NR5A2: variants seen among roughly 807,000 people sequenced by gnomAD.
The protein encoded by NR5A2 is nuclear receptor subfamily 5 group A member 2, also known as CYP7A promoter-binding factor.
Under a neutral mutation model 62.7 loss-of-function variants are expected in NR5A2, and 26 were observed. The ratio of observed to expected loss-of-function variants is 0.41; its 90% CI spans 0.30 to 0.58. The LOEUF (loss-of-function observed/expected upper bound fraction) is 0.58. Ranked by LOEUF, NR5A2 falls within the 20% of genes least tolerant of loss-of-function variation. NR5A2 has a pLI of 0.22. For missense variants in NR5A2, 541 were observed against 669.1 expected, an observed-to-expected ratio of 0.81 and a Z score of 2.11; for synonymous variants, 246 against 241.7, an observed-to-expected ratio of 1.02 and a Z score of -0.16.
intron 6 of NR5A2, among the ~76,000 whole-genome samples, chr1:200,112,530 TGTC>T (rs1392508837): frequency 6.6e-6 from 1 of 152,242 alleles, no homozygotes; most frequent in Non-Finnish European, 1.5e-5. Flanking sequence ...AATGAAGGGC[TGTC>T]TCCACATCAT....
intron 5 of NR5A2, among the ~76,000 whole-genome samples, chr1:200,087,747 AT>A (rs952037041): frequency 8.8e-5 from 13 of 148,326 alleles, no homozygotes; most frequent in African/African-American, 3.2e-4. Context: ...TATTTTTTTT[AT>A]TTTTATTTTT....
rs535918311 is a variant in NR5A2, at chr1:200,129,582, G to A, written c.1378+8627G>A. On this transcript the variant is annotated intron_variant, in intron 7 of 7. Coordinates refer to ENST00000367362, the MANE Select transcript of NR5A2 (RefSeq NM_205860.3). Reference sequence around the variant, plus strand: ...TTATAAAAGGAAAAGACTTCACCATGCATAGCCTCTTCACCCTAACTGCTC... The same window carrying A: ...TTATAAAAGGAAAAGACTTCACCATACATAGCCTCTTCACCCTAACTGCTC... Among the ~76,000 whole-genome samples the A allele has an allele frequency of 4.9e-4, 74 of 152,334 alleles. 1 individual carries two copies. Among genetic ancestry groups the A allele is most frequent in the African/African-American group, 1.7e-3 (71 of 41,574 alleles).
chr1:200,051,463 TA>T (rs887066052), intron 5 of NR5A2, among the ~76,000 whole-genome samples: 3 of 152,170 alleles, frequency 2.0e-5, no homozygotes, highest in Non-Finnish European at 4.4e-5. Flanking sequence ...ATGGGGCATA[TA>T]AAAGCATTTT....
In NR5A2 at chr1:200,039,625, C is replaced by T. The variant is rs1381763576; in HGVS notation, c.65-33C>T. ...ATCCCGGTCGCCCCTTCCTTCTTTTCGCCGGAGTTGAATCTGTGCTGCCCG... is the reference window on the plus strand; with the variant it reads ...ATCCCGGTCGCCCCTTCCTTCTTTTTGCCGGAGTTGAATCTGTGCTGCCCG... On this transcript the variant is annotated intron_variant, in intron 1 of 7. Transcript: ENST00000367362. The surrounding 1 kb of genome is among the most constrained non-coding windows in gnomAD (Gnocchi z 5.1). 1.2e-6 allele frequency: 2 copies of T among 1,607,922 alleles called. No individual in the cohort carries two copies. Among genetic ancestry groups the T allele is most frequent in the Admixed American group, 3.3e-5 (2 of 59,802 alleles).
intron 6 of NR5A2, among the ~76,000 whole-genome samples, chr1:200,117,624 C>T (rs1303764336): frequency 1.3e-5 from 2 of 152,160 alleles, no homozygotes; most frequent in Non-Finnish European, 2.9e-5. Context: ...TTAATTAACT[C>T]CATCTTAATA....
At chr1:200,117,604 A>G (rs1372807152) in intron 6 of NR5A2, among the ~76,000 whole-genome samples, 1 of 152,256 alleles carries the variant, frequency 6.6e-6, no homozygotes, top group African/African-American at 2.4e-5. Context: ...AGAACTATAC[A>G]CAACAATATT....
At chr1:200,052,120 C>T (rs1662661120) in intron 5 of NR5A2, among the ~76,000 whole-genome samples, 1 of 152,126 alleles carries the variant, frequency 6.6e-6, no homozygotes, top group Non-Finnish European at 1.5e-5. Flanking sequence ...GAGGCATGAC[C>T]TGCAATTCAG....
At chr1:200,070,679 CAA>C (rs34685659) in intron 5 of NR5A2, among the ~76,000 whole-genome samples, 1 of 133,598 alleles carries the variant, frequency 7.5e-6, no homozygotes, top group Non-Finnish European at 1.6e-5. Context: ...GACTCTGTCT[CAA>C]AAAAAAAAAA....
chr1:200,083,717 A>G (rs574537272), intron 5 of NR5A2, among the ~76,000 whole-genome samples: 1 of 152,110 alleles, frequency 6.6e-6, no homozygotes, highest in Non-Finnish European at 1.5e-5. Flanking sequence ...CTGTAACTCC[A>G]ACACTTTGGG....
intron 5 of NR5A2, among the ~76,000 whole-genome samples, chr1:200,063,106 C>CTT (rs1663303843): frequency 6.6e-6 from 1 of 151,928 alleles, no homozygotes; most frequent in African/African-American, 2.4e-5. Context: ...TCACTGCAAC[C>CTT]CCTGCCTCCC....
intron 5 of NR5A2, among the ~76,000 whole-genome samples, chr1:200,087,542 G>A (rs1374192048): frequency 4.9e-5 from 7 of 142,270 alleles, no homozygotes; most frequent in Admixed American, 4.2e-4. Flanking sequence ...CTACAGGCAC[G>A]CACCACCACA....
In NR5A2 at chr1:200,147,820, T is replaced by C. The variant is rs900377214; in HGVS notation, c.1379-26143T>C. ...AGCCGCCGTGGCGTCCAGCACCAGG[T>C]CCTGGCTGCAGCCATTGGTGAGCAG... On this transcript the variant is annotated intron_variant, in intron 7 of 7. Transcript: ENST00000367362. The surrounding 1 kb of genome is among the most constrained non-coding windows in gnomAD (Gnocchi z 4.9). 13 of 481,272 alleles carry C rather than the reference T, an allele frequency of 2.7e-5. No homozygotes were observed. The highest frequency in any genetic ancestry group is 7.0e-4 in the Middle Eastern group (2 of 2,848). The allele number at this position is 481,272 out of a possible 1,614,324, so 29.8% of individuals were successfully genotyped here.
intron 6 of NR5A2, among the ~76,000 whole-genome samples, chr1:200,117,929 G>C (rs1006465827): frequency 6.6e-6 from 1 of 151,222 alleles, no homozygotes; most frequent in Non-Finnish European, 1.5e-5. Flanking sequence ...GGCCAGGCTG[G>C]TCTCGAACTC....
Position 200,147,512 on chromosome 1 carries a change from T to G in NR5A2, c.1379-26451T>G. ...GATCTGTTTCTTCATCCTTAAAATT[T>G]CTGCTGCTTTTGCTGTTTCTGTGAT... On this transcript the variant is annotated intron_variant, in intron 7 of 7. Transcript: ENST00000367362. The surrounding 1 kb of genome is among the most constrained non-coding windows in gnomAD (Gnocchi z 4.9). 1.5e-6 allele frequency: 1 copy of G among 654,232 alleles called. No homozygotes were observed. Among genetic ancestry groups the G allele is most frequent in the Non-Finnish European group, 2.9e-6 (1 of 340,920 alleles). The allele number at this position is 654,232 out of a possible 1,614,324, so 40.5% of individuals were successfully genotyped here.
chr1:200,085,104 A>T (rs1664462286), intron 5 of NR5A2, among the ~76,000 whole-genome samples: 1 of 152,106 alleles, frequency 6.6e-6, no homozygotes, highest in East Asian at 1.9e-4. Flanking sequence ...TCTAGTGGAG[A>T]TAGGAGGAGG....
At chr1:200,038,793 C>A in intron 1 of NR5A2, 1 of 1,310,292 alleles carries the variant, frequency 7.6e-7, no homozygotes, top group Non-Finnish European at 1.0e-6. Flanking sequence ...GCTGCATTTA[C>A]ATCCCCCCGC....
intron 5 of NR5A2, among the ~76,000 whole-genome samples, chr1:200,065,045 G>T (rs948093676): frequency 6.6e-6 from 1 of 151,924 alleles, no homozygotes; most frequent in African/African-American, 2.4e-5. Flanking sequence ...TCAGCCTCCC[G>T]AAGTGTTGGG....
At chr1:200,042,920 TC>T in intron 2 of NR5A2, 8 of 985,462 alleles carry the variant, frequency 8.1e-6, no homozygotes, top group Non-Finnish European at 9.6e-6. Context: ...GCGCCGCGCG[TC>T]GTGGCGGCCT....
rs1490926111 is a variant in NR5A2 at position 200,062,257 on chromosome 1, G to GTGTGTGTGTGTGTGTGTGTGTGTGTA, written c.1110+13440_1110+13441insGTGTGTGTGTGTGTGTGTGTGTGTAT. Among the ~76,000 whole-genome samples, 47 of 151,606 alleles carry GTGTGTGTGTGTGTGTGTGTGTGTGTA rather than the reference G, an allele frequency of 3.1e-4. No homozygotes were observed. In the East Asian group the frequency reaches 6.9e-3, roughly 22 times the overall value. On this transcript the variant is annotated intron_variant, in intron 5 of 7. Coordinates refer to ENST00000367362, the MANE Select transcript of NR5A2 (RefSeq NM_205860.3). The stretch of plus-strand genomic sequence containing the variant: ...TGTGTGTGTGTGTGTGTGTGTGTGT[G>GTGTGTGTGTGTGTGTGTGTGTGTGTA]TATCTGTGTCCATGTGTGTATCGCA...
Sources: gnomAD v4.1 joint callset for allele counts (sites outside exome capture counted in the v4.1 genomes callset) on GRCh38, gnomAD v4.1.1 for gene constraint, Gnocchi (gnomAD v3.1) non-coding constraint, MANE v1.5 for transcripts, NCBI Gene and HGNC (gene_info 2026-07-23, HGNC 2026-07-21) for gene names.